The following TRAF3IP3 variants were observed in gnomAD, a reference collection of about 807,000 sequenced individuals.
TRAF3IP3 encodes the protein TRAF3-interacting JNK-activating modulator.
Under a neutral mutation model 86.5 loss-of-function variants are expected in TRAF3IP3, and 64 were observed. The observed-to-expected ratio is 0.74, with a 90% CI of 0.60 to 0.91. The LOEUF is 0.91. TRAF3IP3 is among the 40% of genes least tolerant of loss of function. The pLI is 0.00. For missense variants in TRAF3IP3, 579 were observed against 642.9 expected (o/e 0.90, Z 1.07); for synonymous variants, 220 against 243.9 (o/e 0.90, Z 0.91).
At chr1:209,770,274 CATCTTGAG>C (rs1311843069) in intron 8 of TRAF3IP3, among the ~76,000 whole-genome samples, 2 of 152,198 alleles carry the variant, frequency 1.3e-5, no homozygotes, top group East Asian at 3.8e-4. Flanking sequence ...AAGAAGTTCT[CATCTTGAG>C]TCTAGTATGT....
rs566523673 is a variant in TRAF3IP3 at position 209,767,749 on chromosome 1, G to T, written c.702+4162G>T. Among the ~76,000 whole-genome samples the T allele has an allele frequency of 1.2e-3, 181 of 152,056 alleles. 1 individual carries two copies. The highest frequency in any genetic ancestry group is 4.1e-3 in the African/African-American group (170 of 41,470). On this transcript the variant is annotated intron_variant, in intron 8 of 16. Transcript: ENST00000367025. ...AATAAGAACCCTGGCTCCAAGCAGGGGTTGGGGGAGTTGAGACTCTTGTAA... is the reference window on the plus strand; with the variant it reads ...AATAAGAACCCTGGCTCCAAGCAGGTGTTGGGGGAGTTGAGACTCTTGTAA...
At chr1:209,772,534 A>C (rs1052480932) in intron 8 of TRAF3IP3, among the ~76,000 whole-genome samples, 5 of 152,252 alleles carry the variant, frequency 3.3e-5, no homozygotes, top group Non-Finnish European at 5.9e-5. Flanking sequence ...GGGAGGGGAG[A>C]CTGCGTTAGC....
intron 7 of TRAF3IP3, 49 bp downstream of exon 7, chr1:209,763,441 C>A (rs772429358): frequency 1.2e-6 from 2 of 1,612,700 alleles, no homozygotes; most frequent in Non-Finnish European, 1.7e-6. Flanking sequence ...CACTTACCCC[C>A]GATCCTCCAG....
intron 9 of TRAF3IP3, among the ~76,000 whole-genome samples, chr1:209,773,367 C>T (rs570858105): frequency 6.6e-6 from 1 of 152,332 alleles, no homozygotes; most frequent in South Asian, 2.1e-4. Context: ...TTTACGCATC[C>T]TAATCTTTGA....
At chr1:209,759,252 C>A (rs2077203794) in intron 2 of TRAF3IP3, 118 bp downstream of exon 2, 1 of 152,256 alleles carries the variant, frequency 6.6e-6, no homozygotes, top group South Asian at 2.1e-4. Context: ...ATTGATTGGA[C>A]TTGATCTGCA....
In TRAF3IP3 at chr1:209,779,288, A is replaced by G. The variant is rs937509321; in HGVS notation, c.1253-27A>G. The G allele has an allele frequency of 9.3e-6, 15 of 1,609,406 alleles. No individual in the cohort carries two copies. In the Admixed American group the frequency reaches 1.5e-4, roughly 16 times the overall value. On this transcript the variant is annotated intron_variant, in intron 13 of 16. Coordinates refer to ENST00000367025, the MANE Select transcript of TRAF3IP3 (RefSeq NM_025228.4). ...CTTTTTGTAGTAAATATGCTAGCAT[A>G]GACAAGTTCCTTGTGTTTTCCAACA...
At chr1:209,773,404 G>T (rs1480117552) in intron 9 of TRAF3IP3, among the ~76,000 whole-genome samples, 1 of 152,172 alleles carries the variant, frequency 6.6e-6, no homozygotes, top group African/African-American at 2.4e-5. Flanking sequence ...TTATAATGAA[G>T]TCTTACAAAA....
At chr1:209,759,736 C>A (rs780627018) in intron 2 of TRAF3IP3, among the ~76,000 whole-genome samples, 4 of 152,092 alleles carry the variant, frequency 2.6e-5, no homozygotes, top group Non-Finnish European at 5.9e-5. Flanking sequence ...CCATAGAGAC[C>A]CTTTTACTTT....
chr1:209,781,490 G>A lies in TRAF3IP3; in HGVS notation c.1563+32G>A, dbSNP rs753430995. On this transcript the variant is annotated intron_variant, in intron 16 of 16. Transcript: ENST00000367025. ...GGGTCTCTCCTTCCCATAAAGCCCT[G>A]GATGATGGGACGATTCCTTCTTTAA... The A allele has an allele frequency of 2.6e-6, 4 of 1,511,912 alleles. No homozygotes were observed. The African/African-American group carries it at 5.5e-5, about 21-fold the overall frequency. The allele number at this position is 1,511,912 out of a possible 1,614,324, so 93.7% of individuals were successfully genotyped here.
chr1:209,777,217 T>G, intron 11 of TRAF3IP3, 135 bp from the exon 12 acceptor site: 2 of 674,772 alleles, frequency 3.0e-6, no homozygotes, highest in Non-Finnish European at 4.7e-6. Context: ...CTTCTCTATT[T>G]TCTCATCTCC....
intron 14 of TRAF3IP3, chr1:209,779,757 A>G (rs767961585): frequency 4.5e-5 from 24 of 531,156 alleles, no homozygotes; most frequent in Non-Finnish European, 7.4e-5. Context: ...TTAGCCCTAG[A>G]GAGTCTACTG....
intron 8 of TRAF3IP3, among the ~76,000 whole-genome samples, chr1:209,766,139 G>A (rs946358892): frequency 7.9e-5 from 12 of 152,212 alleles, no homozygotes; most frequent in African/African-American, 2.4e-4. Flanking sequence ...AGAAGTTGCA[G>A]TGATGTAAAA....
At chr1:209,772,402 A>G (rs569211336) in intron 8 of TRAF3IP3, among the ~76,000 whole-genome samples, 1 of 152,100 alleles carries the variant, frequency 6.6e-6, no homozygotes, top group Admixed American at 6.5e-5. Flanking sequence ...ATCTTTAAAG[A>G]CCCTTTCTCC....
At chr1:209,780,242 G>T in intron 14 of TRAF3IP3, 1 of 339,616 alleles carries the variant, frequency 2.9e-6, no homozygotes, top group East Asian at 4.6e-5. Flanking sequence ...GGGATACAAA[G>T]AAAAGATCCC....
intron 5 of TRAF3IP3, 74 bp downstream of exon 5, chr1:209,762,944 C>T (rs1049678412): frequency 9.8e-5 from 158 of 1,604,984 alleles, no homozygotes; most frequent in East Asian, 5.6e-4. Flanking sequence ...TTTCCATGTC[C>T]GCCTTAATTA....
At chr1:209,759,806 T>A (rs1042926964) in intron 2 of TRAF3IP3, among the ~76,000 whole-genome samples, 176 bp from the exon 3 acceptor site, 2 of 152,198 alleles carry the variant, frequency 1.3e-5, no homozygotes, top group African/African-American at 4.8e-5. Flanking sequence ...ACTGTATTAG[T>A]TCATTAGAGA....
At chr1:209,762,429 G>A (rs1335022281) in intron 3 of TRAF3IP3, 86 bp from the exon 4 acceptor site, 5 of 1,340,874 alleles carry the variant, frequency 3.7e-6, no homozygotes, top group Non-Finnish European at 4.9e-6. Context: ...CAAACATGAT[G>A]GTTAGTTCTT....
At chr1:209,761,127 T>C (rs2077237716) in intron 3 of TRAF3IP3, among the ~76,000 whole-genome samples, 1 of 152,146 alleles carries the variant, frequency 6.6e-6, no homozygotes, top group Admixed American at 6.5e-5. Context: ...CACACAGACA[T>C]ATCTGTCCTC....
chr1:209,773,666 TAG>T (rs2077592753), intron 9 of TRAF3IP3, among the ~76,000 whole-genome samples: 1 of 152,300 alleles, frequency 6.6e-6, no homozygotes, highest in Admixed American at 6.5e-5. Context: ...CATCTGGAGT[TAG>T]AGAGAGAAGA....
Sources: allele counts gnomAD v4.1 joint callset (sites outside exome capture counted in the v4.1 genomes callset), GRCh38; gene constraint gnomAD v4.1.1; transcripts MANE v1.5; gene names NCBI Gene and HGNC (gene_info 2026-07-23, HGNC 2026-07-21).